The following XPNPEP3 variants were observed in gnomAD, a reference collection of about 807,000 sequenced individuals.
XPNPEP3 encodes X-prolyl aminopeptidase 3.
A neutral mutation model predicts 60.0 loss-of-function variants in XPNPEP3; 41 were observed. The observed-to-expected ratio is 0.68, with a 90% CI of 0.53 to 0.89. The LOEUF is 0.89. XPNPEP3 is among the 40% of genes least tolerant of loss of function. The pLI, the probability that XPNPEP3 is intolerant of heterozygous loss-of-function variation, is 0.00. For synonymous variants in XPNPEP3, 212 were observed against 223.2 expected, an observed-to-expected ratio of 0.95 and a Z score of 0.45; for missense variants, 598 against 638.9, an observed-to-expected ratio of 0.94 and a Z score of 0.69.
At chr22:40,889,305 A>G (rs1452755953) in intron 4 of XPNPEP3, among the ~76,000 whole-genome samples, 1 of 152,156 alleles carries the variant, frequency 6.6e-6, no homozygotes, top group Non-Finnish European at 1.5e-5. Context: ...GATCACAGGC[A>G]TGAGCCAACA....
chr22:40,897,568 C>T (rs916494274), intron 4 of XPNPEP3, among the ~76,000 whole-genome samples: 1 of 151,598 alleles, frequency 6.6e-6, no homozygotes, highest in Non-Finnish European at 1.5e-5. Flanking sequence ...GCAGCACCAT[C>T]TTAGCTCCCT....
At chr22:40,909,402 A>C (rs1198876141) in intron 6 of XPNPEP3, among the ~76,000 whole-genome samples, 167 bp downstream of exon 6, 1 of 152,206 alleles carries the variant, frequency 6.6e-6, no homozygotes, top group Non-Finnish European at 1.5e-5. Context: ...TTTTGTCCTT[A>C]AATTAACTCT....
chr22:40,908,568 T>G (rs1229070917), intron 5 of XPNPEP3, among the ~76,000 whole-genome samples: 1 of 152,174 alleles, frequency 6.6e-6, no homozygotes, highest in Non-Finnish European at 1.5e-5. Context: ...CTCACCAACC[T>G]CCAGCTCCAT....
At chr22:40,888,634 ATCTT>A (rs1339431654) in intron 4 of XPNPEP3, among the ~76,000 whole-genome samples, 3 of 149,822 alleles carry the variant, frequency 2.0e-5, no homozygotes, top group South Asian at 2.1e-4. Context: ...TTTGGTTTCT[ATCTT>A]TTTTTTTTTT....
chr22:40,886,411 A>G lies in XPNPEP3; in HGVS notation c.688A>G (p.Lys230Glu), dbSNP rs1165068624. The G allele has an allele frequency of 6.2e-7, 1 of 1,614,226 alleles. No individual in the cohort carries two copies. Among genetic ancestry groups the G allele is most frequent in the Non-Finnish European group, 8.5e-7 (1 of 1,180,046 alleles). Residue 230 changes from lysine to glutamate, a missense_variant, in exon 4 of 10, where the codon AAG (lysine) becomes GAG (glutamate). Transcript: ENST00000357137. ...QPLTEAKAKS[K>E]NKVRGVQQLI... ...CCTGACTGAGGCCAAAGCCAAGAGCAAGAACAAGGTTCGGGGTGTTCAGCA... is the reference window on the plus strand; with the variant it reads ...CCTGACTGAGGCCAAAGCCAAGAGCGAGAACAAGGTTCGGGGTGTTCAGCA...
chr22:40,868,968 T>C (rs1569015391), intron 1 of XPNPEP3, 31 bp from the exon 2 acceptor site: 1 of 1,557,406 alleles, frequency 6.4e-7, no homozygotes, highest in Non-Finnish European at 8.9e-7. Flanking sequence ...AGATCTATTG[T>C]TTCATTTCAT....
At chr22:40,884,252 T>G (rs2058059506) in intron 3 of XPNPEP3, among the ~76,000 whole-genome samples, 1 of 152,196 alleles carries the variant, frequency 6.6e-6, no homozygotes, top group South Asian at 2.1e-4. Flanking sequence ...TGTCATGTTC[T>G]ACTGTCTAAG....
intron 4 of XPNPEP3, among the ~76,000 whole-genome samples, chr22:40,893,326 G>A (rs1244661747): frequency 3.3e-5 from 5 of 150,102 alleles, no homozygotes; most frequent in South Asian, 2.1e-4. Flanking sequence ...TGACTAATAC[G>A]GAGAAACCCA....
At chr22:40,914,003 TGTG>T (rs67986468) in intron 6 of XPNPEP3, among the ~76,000 whole-genome samples, 7,387 of 151,786 alleles carry the variant, frequency 0.049, 571 homozygotes, top group African/African-American at 0.17. Context: ...ATTAGCCAGG[TGTG>T]GTGGCAATCA....
chr22:40,882,603 T>C (rs1330347602), intron 3 of XPNPEP3, among the ~76,000 whole-genome samples: 2 of 151,728 alleles, frequency 1.3e-5, no homozygotes, highest in Non-Finnish European at 2.9e-5. Flanking sequence ...TGCCACTGCA[T>C]TCCAGCCTAG....
rs185972994 is a variant in XPNPEP3, at chr22:40,894,637, G to A, written c.792+8122G>A. On this transcript the variant is annotated intron_variant, in intron 4 of 9. Transcript: ENST00000357137. The stretch of plus-strand genomic sequence containing the variant: ...GTTTAAGCTTCAATGGAGCCCACTG[G>A]TATATGTCATTGTTCAGTGCGTCAC... Among the ~76,000 whole-genome samples, 533 of 152,256 alleles carry A rather than the reference G, an allele frequency of 3.5e-3. 2 individuals are homozygous for A. The highest frequency in any genetic ancestry group is 4.7e-3 in the Non-Finnish European group (320 of 68,022).
chr22:40,875,075 G>T (rs1334140554), intron 2 of XPNPEP3, among the ~76,000 whole-genome samples: 1 of 152,124 alleles, frequency 6.6e-6, no homozygotes, highest in Non-Finnish European at 1.5e-5. Flanking sequence ...TAAGTTGAAG[G>T]TCTACTTTTT....
At chr22:40,907,477 G>C in intron 4 of XPNPEP3, 110 bp from the exon 5 acceptor site, 1 of 1,146,830 alleles carries the variant, frequency 8.7e-7, no homozygotes. Flanking sequence ...ACTTCAGGCT[G>C]ACGAAATTGT....
intron 7 of XPNPEP3, among the ~76,000 whole-genome samples, chr22:40,916,154 T>C (rs937954413): frequency 6.6e-6 from 1 of 151,914 alleles, no homozygotes; most frequent in African/African-American, 2.4e-5. Context: ...TAGCTGAGTG[T>C]GGTGGCGGGC....
chr22:40,893,285 A>G (rs1217338999), intron 4 of XPNPEP3, among the ~76,000 whole-genome samples: 4 of 150,922 alleles, frequency 2.7e-5, no homozygotes, highest in Non-Finnish European at 5.9e-5. Context: ...AGGCAGGCGG[A>G]TCACCTGAGG....
intron 4 of XPNPEP3, among the ~76,000 whole-genome samples, chr22:40,903,962 T>TC (rs1211949276): frequency 6.6e-6 from 1 of 152,010 alleles, no homozygotes; most frequent in Admixed American, 6.6e-5. Flanking sequence ...CTCTCCCTTC[T>TC]CCATTAGCTT....
chr22:40,900,308 A>G lies in XPNPEP3; in HGVS notation c.793-7279A>G, dbSNP rs551242539. ...TCTCACACTGAGAAACAGCCTTAGGAAAAAAAAAAAAAAAGGCCGGGTACG... is the reference window on the plus strand; with the variant it reads ...TCTCACACTGAGAAACAGCCTTAGGGAAAAAAAAAAAAAAGGCCGGGTACG... On this transcript the variant is annotated intron_variant, in intron 4 of 9. Transcript: ENST00000357137. 4.5e-3 allele frequency among the ~76,000 whole-genome samples: 621 copies of G among 138,050 alleles called. 5 individuals carry two copies. Among genetic ancestry groups the G allele is most frequent in the African/African-American group, 0.015 (574 of 37,140 alleles). The allele number at this position is 138,050 out of a possible 152,430, so 90.6% of individuals were successfully genotyped here. A position where few individuals can be genotyped will look rare whatever the true frequency, so the allele number is the denominator to read the frequency against.
chr22:40,899,522 G>A (rs1490495292), intron 4 of XPNPEP3, among the ~76,000 whole-genome samples: 1 of 151,970 alleles, frequency 6.6e-6, no homozygotes, highest in Non-Finnish European at 1.5e-5. Context: ...ATATCCATAT[G>A]CAAAAGAATG....
At chr22:40,887,704 A>G (rs2058074691) in intron 4 of XPNPEP3, among the ~76,000 whole-genome samples, 1 of 152,168 alleles carries the variant, frequency 6.6e-6, no homozygotes, top group Non-Finnish European at 1.5e-5. Flanking sequence ...CATGCAACAG[A>G]CTACCTCAGA....
Sources: allele counts gnomAD v4.1 joint callset (sites outside exome capture counted in the v4.1 genomes callset), GRCh38; gene constraint gnomAD v4.1.1; transcripts MANE v1.5; gene names NCBI Gene and HGNC (gene_info 2026-07-23, HGNC 2026-07-21).